THTPA: variants seen among roughly 807,000 people sequenced by gnomAD.
THTPA encodes thiamine-triphosphatase.
Under a neutral mutation model 16.5 loss-of-function variants are expected in THTPA, and 16 were observed. That is an observed-to-expected ratio of 0.97 (90% CI 0.66 to 1.47). The LOEUF is 1.47. THTPA is among the 40% of genes most tolerant of loss of function. The probability of loss-of-function intolerance (pLI) is 0.00; values close to 1 mark genes in which losing one functional copy is unlikely to be tolerated. For synonymous variants in THTPA, 110 were observed against 115.5 expected (o/e 0.95, Z 0.30); for missense variants, 281 against 280.9 (o/e 1.00, Z 0.00).
At chr14:23,530,309 C>T in the THTPA span, 2 of 807,784 alleles carry the variant, frequency 2.5e-6, no homozygotes, top group South Asian at 1.5e-5. Flanking sequence ...ATGGATGGCT[C>T]AATCAGCAGG....
At chr14:23,525,448 G>T in the THTPA span, 1 of 1,536,102 alleles carries the variant, frequency 6.5e-7, no homozygotes, top group Non-Finnish European at 8.7e-7. This position sits in a 1 kb window ranked among gnomAD's most constrained non-coding sequence, Gnocchi z 5.9. Flanking sequence ...CATGTTCCTC[G>T]TGTGTCTTGA....
At position 23,558,832 on chromosome 14, in the gene THTPA, C is replaced by G. The variant is rs1479522052; in HGVS notation, c.685C>G (p.Leu229Val). ...GGAGACTGAAGATCCTGACCACTGC[C>G]TGGGCTAGGGGTGTCACTTCCTAGA... ...PQETEDPDHC[L>V]G Residue 229 changes from leucine to valine, a missense_variant, in exon 2 of 2, where the codon CTG becomes GTG. Leu to Val is a conservative substitution (Grantham distance 32). Transcript: ENST00000288014. 1 of 1,614,152 alleles carries G rather than the reference C, an allele frequency of 6.2e-7. No individual in the cohort carries two copies. The highest frequency in any genetic ancestry group is 2.2e-5 in the East Asian group (1 of 44,886).
chr14:23,521,948 C>G, the THTPA span: 3 of 1,535,900 alleles, frequency 2.0e-6, no homozygotes, highest in Middle Eastern at 3.3e-4. Flanking sequence ...CTCTCCCCAT[C>G]TTGGTTAATC....
rs779786305 is a variant in THTPA at position 23,556,937 on chromosome 14, T to C, written c.180T>C (p.Ser60=). The change falls in exon 1 of 2, where the codon AGT becomes AGC. Residue 60 remains serine (S), a synonymous_variant. Transcript: ENST00000288014. The stretch of plus-strand genomic sequence containing the variant: ...ACTGGCTGCGACGACGAGAGGATAG[T>C]GGATGGGAGCTCAAATGTCCTGGAG... ...ADHWLRRRED[S]GWELKCPGAA... 8.1e-6 allele frequency: 13 copies of C among 1,613,926 alleles called. No individual in the cohort carries two copies. The highest frequency in any genetic ancestry group is 1.0e-5 in the Non-Finnish European group (12 of 1,179,974).
chr14:23,524,235 C>T, the THTPA span: 1 of 1,536,556 alleles, frequency 6.5e-7, no homozygotes, highest in Non-Finnish European at 8.7e-7. This position sits in a 1 kb window ranked among gnomAD's most constrained non-coding sequence, Gnocchi z 5.6. Flanking sequence ...TGGAACCAGA[C>T]CTGTACCACT....
chr14:23,527,902 T>C, the THTPA span: 5 of 114,810 alleles, frequency 4.4e-5, no homozygotes, highest in Non-Finnish European at 8.0e-5. Context: ...CCCCCACTCC[T>C]TTTTTTTTTT....
chr14:23,550,245 A>T, the THTPA span, among the ~76,000 whole-genome samples: 2 of 152,236 alleles, frequency 1.3e-5, no homozygotes, highest in African/African-American at 4.8e-5. Context: ...TGTCCTGGCC[A>T]TGCTGAAGGC....
At chr14:23,531,622 G>C in the THTPA span, 55 of 1,523,896 alleles carry the variant, frequency 3.6e-5, no homozygotes, top group Non-Finnish European at 4.6e-5. Flanking sequence ...CGCAGGTGTT[G>C]CAGCACAGCC....
chr14:23,516,059 G>T, the THTPA span, among the ~76,000 whole-genome samples: 3 of 152,108 alleles, frequency 2.0e-5, no homozygotes, highest in Non-Finnish European at 4.4e-5. Context: ...TGGTCCCTGG[G>T]TGCTGAAGAG....
In THTPA at chr14:23,559,027, C is replaced by T. The variant is rs1207120574; in HGVS notation, c.*187C>T. On this transcript the variant is annotated 3_prime_UTR_variant, in exon 2 of 2. Transcript: ENST00000288014. ...CCCTGGCTGCTTCCTCTCGCTCATC[C>T]GTCAGATGCAATCTGTGGGCCGCCC... 2.2e-5 allele frequency: 15 copies of T among 677,844 alleles called. No individual in the cohort carries two copies. The highest frequency in any genetic ancestry group is 4.1e-4 in the Middle Eastern group (1 of 2,446). The allele number at this position is 677,844 out of a possible 1,614,324, so 42.0% of individuals were successfully genotyped here.
Position 23,556,666 on chromosome 14 carries a change from G to A in THTPA, c.-92G>A, listed in dbSNP as rs1356966636. The A allele has an allele frequency of 1.4e-6, 2 of 1,390,366 alleles. No individual in the cohort carries two copies. The highest frequency in any genetic ancestry group is 4.9e-5 in the East Asian group (2 of 40,826). 86.1% of individuals were successfully genotyped at this position (1,390,366 alleles called of 1,614,324 possible). A position where few individuals can be genotyped will look rare whatever the true frequency, so the allele number is the denominator to read the frequency against. On this transcript the variant is annotated 5_prime_UTR_variant, in exon 1 of 2. Transcript: ENST00000288014. Reference sequence around the variant, plus strand: ...CCCTCATAAGTTTTTCCAGGGAGGGGTTCTGTACTGAGTTGACGCCCCAGG... The same window carrying A: ...CCCTCATAAGTTTTTCCAGGGAGGGATTCTGTACTGAGTTGACGCCCCAGG...
chr14:23,527,975 C>T, the THTPA span, among the ~76,000 whole-genome samples: 2 of 147,060 alleles, frequency 1.4e-5, no homozygotes, highest in South Asian at 2.1e-4. Flanking sequence ...GACGTGATCT[C>T]GGCTCACTGC....
Position 23,556,761 on chromosome 14 carries a change from G to A in THTPA, c.4G>A (p.Ala2Thr), listed in dbSNP as rs1158176999. ...TGTTCAGCCAATTGCAGGTAGCATG[G>A]CCCAGGGCTTGATTGAGGTGGAGCG... Reference protein sequence around the residue: MAQGLIEVERKF... With the variant: MTQGLIEVERKF... Residue 2 changes from alanine (A) to threonine (T), a missense_variant, in exon 1 of 2, where the codon GCC (alanine) becomes ACC (threonine). Physicochemically the swap from Ala to Thr is moderately conservative, Grantham distance 58 (BLOSUM62 0). Coordinates refer to ENST00000288014, the MANE Select transcript of THTPA (RefSeq NM_024328.6). 1 of 1,612,784 alleles carries A rather than the reference G, an allele frequency of 6.2e-7. No homozygotes were observed. Among genetic ancestry groups the A allele is most frequent in the Admixed American group, 1.7e-5 (1 of 59,902 alleles).
the THTPA span, chr14:23,532,039 G>T: frequency 5.0e-6 from 1 of 198,788 alleles, no homozygotes; most frequent in Non-Finnish European, 9.9e-6. Flanking sequence ...GCCTCCCAAA[G>T]TGCCGGGACT....
the THTPA span, among the ~76,000 whole-genome samples, chr14:23,520,627 C>T: frequency 2.0e-5 from 3 of 152,084 alleles, no homozygotes; most frequent in Admixed American, 6.5e-5. This position sits in a 1 kb window ranked among gnomAD's most constrained non-coding sequence, Gnocchi z 8.7. Context: ...ATGTCCCTCC[C>T]CAGAGTTCAG....
chr14:23,523,414 C>T, the THTPA span: 9 of 1,529,284 alleles, frequency 5.9e-6, no homozygotes, highest in Non-Finnish European at 7.0e-6. The surrounding 1 kb of genome is among the most constrained non-coding windows in gnomAD (Gnocchi z 4.1). Flanking sequence ...CTCGAACCGC[C>T]TCCTTGAGCT....
chr14:23,526,998 C>T, the THTPA span: 1 of 1,482,832 alleles, frequency 6.7e-7, no homozygotes, highest in South Asian at 1.4e-5. Flanking sequence ...AGCCTAGTGG[C>T]TTCACCACCA....
the THTPA span, chr14:23,533,036 A>G: frequency 2.6e-6 from 4 of 1,535,614 alleles, no homozygotes; most frequent in South Asian, 4.8e-5. This position sits in a 1 kb window ranked among gnomAD's most constrained non-coding sequence, Gnocchi z 4.8. Flanking sequence ...TGAGGAACCC[A>G]GGAGCTGACT....
the THTPA span, among the ~76,000 whole-genome samples, chr14:23,537,337 T>C: frequency 6.6e-6 from 1 of 152,216 alleles, no homozygotes; most frequent in South Asian, 2.1e-4. Flanking sequence ...ACGTCCTCTC[T>C]AGCTCTCGTA....
Sources: gnomAD v4.1 joint callset for allele counts (sites outside exome capture counted in the v4.1 genomes callset) on GRCh38, gnomAD v4.1.1 for gene constraint, Gnocchi (gnomAD v3.1) non-coding constraint, MANE v1.5 for transcripts, NCBI Gene and HGNC (gene_info 2026-07-23, HGNC 2026-07-21) for gene names.